NOS1: variants seen among roughly 807,000 people sequenced by gnomAD.
NOS1 encodes the protein NOS type I.
Under a neutral mutation model 164.5 loss-of-function variants are expected in NOS1, and 51 were observed. The ratio of observed to expected loss-of-function variants is 0.31; its 90% CI spans 0.25 to 0.39. The LOEUF is 0.39. Among genes scored for constraint, NOS1 ranks in the 10% least tolerant of loss-of-function variants. The pLI is 1.00. For synonymous variants in NOS1, 719 were observed against 745.8 expected (o/e 0.96, Z 0.59); for missense variants, 1,362 against 1,885.6 (o/e 0.72, Z 5.14).
chr12:117,338,056 A>C (rs758050168), intron 1 of NOS1, among the ~76,000 whole-genome samples: 2 of 151,986 alleles, frequency 1.3e-5, no homozygotes, highest in Non-Finnish European at 2.9e-5. Flanking sequence ...ATCTACTAAA[A>C]ATACAAAAAA....
In NOS1 at chr12:117,286,104, C is replaced by A; in HGVS notation, c.1290G>T (p.Gln430His). 1 of 1,614,170 alleles carries A rather than the reference C, an allele frequency of 6.2e-7. No individual in the cohort carries two copies. Among genetic ancestry groups the A allele is most frequent in the Non-Finnish European group, 8.5e-7 (1 of 1,180,026 alleles). Residue 430 changes from glutamine (Q) to histidine (H), a missense_variant and splice_region_variant, in exon 6 of 29, where the codon CAG (glutamine) becomes CAT (histidine). By Grantham distance (24) the Gln-to-His change is conservative (BLOSUM62 0). This residue lies in a region of NOS1 where 129 missense variants were observed against 186.0 expected (regional missense o/e 0.69). Transcript: ENST00000317775. ...CAAGGTATCTGACTTCACCACCTAC[C>A]TGCAGCTTGGACCACTGGATCCTGC... ...CVGRIQWSKL[Q>H]VFDARDCTTA...
At chr12:117,320,309 G>C (rs1371239281) in intron 2 of NOS1, among the ~76,000 whole-genome samples, 1 of 152,180 alleles carries the variant, frequency 6.6e-6, no homozygotes, top group African/African-American at 2.4e-5. Context: ...CATGTGTCTT[G>C]ATAAGAGGGC....
At chr12:117,335,538 A>T (rs1013703579) in intron 1 of NOS1, among the ~76,000 whole-genome samples, 6 of 152,022 alleles carry the variant, frequency 3.9e-5, no homozygotes, top group African/African-American at 1.4e-4. Flanking sequence ...AGGAAGCCCA[A>T]ATAGGCCAGC....
At chr12:117,303,800 G>C (rs958508071) in intron 3 of NOS1, among the ~76,000 whole-genome samples, 1 of 152,156 alleles carries the variant, frequency 6.6e-6, no homozygotes, top group Non-Finnish European at 1.5e-5. Context: ...GTTTGTGCAG[G>C]GAGGATGGCC....
At chr12:117,260,691 C>T (rs1256545244) in intron 13 of NOS1, 82 bp from the exon 14 acceptor site, 3 of 1,454,242 alleles carry the variant, frequency 2.1e-6, no homozygotes, top group African/African-American at 1.4e-5. Flanking sequence ...CGTGCAAGAA[C>T]CAGGATCCAT....
Position 117,212,389 on chromosome 12 carries a change from T to TC in NOS1, c.*2919dup. 1.0e-6 allele frequency: 1 copy of TC among 984,972 alleles called. No individual in the cohort carries two copies. Among genetic ancestry groups the TC allele is most frequent in the Non-Finnish European group, 1.2e-6 (1 of 829,856 alleles). The allele number at this position is 984,972 out of a possible 1,614,324, so 61.0% of individuals were successfully genotyped here. The stretch of plus-strand genomic sequence containing the variant: ...ATTCCATATTGATGGGTCTGAAGTG[T>TC]CCCCCCGCAAAAGAAAGACACCTGG... On this transcript the variant is annotated 3_prime_UTR_variant, in exon 29 of 29. Transcript: ENST00000317775.
Position 117,258,465 on chromosome 12 carries a change from A to G in NOS1, c.2473-10T>C, listed in dbSNP as rs1871638752. On this transcript the variant is annotated splice_polypyrimidine_tract_variant and intron_variant, in intron 15 of 28. Transcript: ENST00000317775. Reference sequence around the variant, plus strand: ...AAGCACAGCCGAATTTCTGGAAGCCAAAACATATGGGTGAAATTAGCACAT... The same window carrying G: ...AAGCACAGCCGAATTTCTGGAAGCCGAAACATATGGGTGAAATTAGCACAT... 3.7e-6 allele frequency: 6 copies of G among 1,613,954 alleles called. No homozygotes were observed. The highest frequency in any genetic ancestry group is 5.1e-6 in the Non-Finnish European group (6 of 1,179,834).
intron 8 of NOS1, 50 bp downstream of exon 8, chr12:117,280,675 G>A (rs762708360): frequency 1.7e-6 from 2 of 1,143,062 alleles, no homozygotes; most frequent in African/African-American, 3.9e-5. Flanking sequence ...TGTGGTCTGG[G>A]GACATAAGAG....
chr12:117,341,716 G>T (rs1876120706), intron 1 of NOS1, among the ~76,000 whole-genome samples: 1 of 152,140 alleles, frequency 6.6e-6, no homozygotes, highest in African/African-American at 2.4e-5. Flanking sequence ...TCAAAGGCAT[G>T]AATTTGGAGC....
chr12:117,324,721 A>AAAT (rs932577459), intron 2 of NOS1, among the ~76,000 whole-genome samples: 11 of 151,962 alleles, frequency 7.2e-5, no homozygotes, highest in African/African-American at 2.4e-4. Flanking sequence ...GTCTCTAAAT[A>AAAT]AATAAATAAA....
Position 117,210,095 on chromosome 12 carries a change from C to T in NOS1, c.*5214G>A, listed in dbSNP as rs1956503882. 1.5e-6 allele frequency: 1 copy of T among 674,134 alleles called. No individual in the cohort carries two copies. The highest frequency in any genetic ancestry group is 6.3e-5 in the Admixed American group (1 of 15,884). 41.8% of individuals were successfully genotyped at this position (674,134 alleles called of 1,614,324 possible). ...CCAAGTGATCCTCCTGCCTCAGCCT[C>T]CCAAGTAGCTGGGACCACAGGAGCA... On this transcript the variant is annotated 3_prime_UTR_variant, in exon 29 of 29. Transcript: ENST00000317775.
intron 2 of NOS1, among the ~76,000 whole-genome samples, chr12:117,323,475 T>C (rs536275564): frequency 6.6e-6 from 1 of 152,352 alleles, no homozygotes; most frequent in African/African-American, 2.4e-5. Context: ...AAGTCCTGGC[T>C]TTGCTACTTG....
chr12:117,214,406 G>A lies in NOS1; in HGVS notation c.*903C>T. ...AACAACATAACTTCCAGGCCCCTTG[G>A]ATGCTATTGCTGGAGGAGGGGGTCA... On this transcript the variant is annotated 3_prime_UTR_variant, in exon 29 of 29. Transcript: ENST00000317775. The A allele has an allele frequency of 1.0e-6, 1 of 985,160 alleles. No individual in the cohort carries two copies. The highest frequency in any genetic ancestry group is 1.7e-5 in the African/African-American group (1 of 57,294). 61.0% of individuals were successfully genotyped at this position (985,160 alleles called of 1,614,324 possible). A position where few individuals can be genotyped will look rare whatever the true frequency, so the allele number is the denominator to read the frequency against.
intron 12 of NOS1, among the ~76,000 whole-genome samples, 167 bp from the exon 13 acceptor site, chr12:117,264,141 G>C (rs1872170375): frequency 7.7e-6 from 1 of 130,168 alleles, no homozygotes; most frequent in Non-Finnish European, 1.8e-5. Context: ...TGCGGGGTTG[G>C]GGGGAGGGGG....
rs1300061169 is a variant in NOS1 at position 117,361,514 on chromosome 12, C to G, written c.-423G>C. 1 of 152,026 alleles carries G rather than the reference C, an allele frequency of 6.6e-6. No homozygotes were observed. Among genetic ancestry groups the G allele is most frequent in the Admixed American group, 6.6e-5 (1 of 15,254 alleles). 9.4% of individuals were successfully genotyped at this position (152,026 alleles called of 1,614,324 possible). Reference sequence around the variant, plus strand: ...CCCCGCGCGCGCCCCTGGCTCACCCCGTCCGCTCGGCCGCTGCTCGCTGCC... The same window carrying G: ...CCCCGCGCGCGCCCCTGGCTCACCCGGTCCGCTCGGCCGCTGCTCGCTGCC... On this transcript the variant is annotated splice_region_variant and 5_prime_UTR_variant, in exon 1 of 29. Coordinates refer to ENST00000317775, the MANE Select transcript of NOS1 (RefSeq NM_000620.5).
chr12:117,251,280 C>T (rs574596479), intron 17 of NOS1, among the ~76,000 whole-genome samples: 80 of 152,150 alleles, frequency 5.3e-4, no homozygotes, highest in Non-Finnish European at 9.8e-4. Flanking sequence ...TACAAGCCAC[C>T]AGTTTATGGT....
intron 3 of NOS1, among the ~76,000 whole-genome samples, chr12:117,290,988 G>A (rs1025195888): frequency 3.3e-5 from 5 of 152,090 alleles, no homozygotes; most frequent in African/African-American, 4.8e-5. Context: ...CGAGGTGGGC[G>A]GATCACTTGA....
chr12:117,222,509 C>T (rs1956723843), intron 26 of NOS1, among the ~76,000 whole-genome samples: 1 of 152,200 alleles, frequency 6.6e-6, no homozygotes, highest in African/African-American at 2.4e-5. Flanking sequence ...CTGCCTTGGC[C>T]TCCCAAAGTG....
At position 117,209,066 on chromosome 12, in the gene NOS1, C is replaced by T. The variant is rs1350980683; in HGVS notation, c.*6243G>A. 3.0e-6 allele frequency: 3 copies of T among 985,160 alleles called. No homozygotes were observed. The highest frequency in any genetic ancestry group is 1.7e-5 in the African/African-American group (1 of 57,180). The allele number at this position is 985,160 out of a possible 1,614,324, so 61.0% of individuals were successfully genotyped here. A position where few individuals can be genotyped will look rare whatever the true frequency, so the allele number is the denominator to read the frequency against. ...GCATACTGCCCTCCCCATGCCCCCT[C>T]CCCCGGACACCCTCAAATCCCACTT... On this transcript the variant is annotated 3_prime_UTR_variant, in exon 29 of 29. Transcript: ENST00000317775.
Sources: gnomAD v4.1 joint callset for allele counts (sites outside exome capture counted in the v4.1 genomes callset) on GRCh38, gnomAD v4.1.1 for gene constraint, gnomAD v4.1.1 regional missense constraint, MANE v1.5 for transcripts, NCBI Gene and HGNC (gene_info 2026-07-23, HGNC 2026-07-21) for gene names.